The following GOLM1 variants were observed in gnomAD, a reference collection of about 807,000 sequenced individuals.
GOLM1 encodes the protein golgi membrane protein 1.
Under a neutral mutation model 50.5 loss-of-function variants are expected in GOLM1, and 31 were observed. The ratio of observed to expected loss-of-function variants is 0.61; its 90% confidence interval spans 0.46 to 0.83. The LOEUF (loss-of-function observed/expected upper bound fraction) is 0.83, where lower values mean the gene tolerates loss of function less well. Among genes scored for constraint, GOLM1 ranks in the 40% least tolerant of loss-of-function variants. GOLM1 has a pLI of 0.00. For missense variants in GOLM1, 491 were observed against 501.3 expected (o/e 0.98, Z 0.20); for synonymous variants, 178 against 192.8 (o/e 0.92, Z 0.64).
intron 6 of GOLM1, among the ~76,000 whole-genome samples, chr9:86,040,135 C>T (rs933696635): frequency 1.3e-5 from 2 of 151,990 alleles, no homozygotes; most frequent in Admixed American, 1.3e-4. Flanking sequence ...TTCTTTTGTG[C>T]CAATAAAAAT....
intron 6 of GOLM1, 82 bp downstream of exon 6, chr9:86,040,657 A>G (rs1039040591): frequency 1.5e-6 from 2 of 1,346,704 alleles, no homozygotes; most frequent in Middle Eastern, 1.9e-4. Context: ...ATCCAGAGAA[A>G]GCCAGGCGGC....
In GOLM1 at chr9:86,027,124, TAAAG is replaced by T. The variant is rs142225824; in HGVS notation, c.*689_*692del. 1.0e-6 allele frequency: 1 copy of T among 985,192 alleles called. No homozygotes were observed. Among genetic ancestry groups the T allele is most frequent in the African/African-American group, 1.7e-5 (1 of 57,238 alleles). The allele number at this position is 985,192 out of a possible 1,614,324, so 61.0% of individuals were successfully genotyped here. ...TTGCCCACACACGAAGCAAAGTAAA[TAAAG>T]ACCACAAATGTTCAAATTCTAAGCC... On this transcript the variant is annotated 3_prime_UTR_variant, in exon 10 of 10. Transcript: ENST00000388712.
chr9:86,027,313 T>C lies in GOLM1; in HGVS notation c.*504A>G, dbSNP rs1163973854. 7 of 986,216 alleles carry C rather than the reference T, an allele frequency of 7.1e-6. No homozygotes were observed. Among genetic ancestry groups the C allele is most frequent in the Admixed American group, 6.1e-5 (1 of 16,338 alleles). The allele number at this position is 986,216 out of a possible 1,614,324, so 61.1% of individuals were successfully genotyped here. ...GTCAGTGCTCTAGGCCATTGATTGA[T>C]TGATTGTCAGAATCAGAAGTGACTA... On this transcript the variant is annotated 3_prime_UTR_variant, in exon 10 of 10. Transcript: ENST00000388712.
intron 1 of GOLM1, among the ~76,000 whole-genome samples, chr9:86,097,073 T>C (rs1285224124): frequency 6.6e-6 from 1 of 151,738 alleles, no homozygotes; most frequent in Non-Finnish European, 1.5e-5. Context: ...TGGACTTTTT[T>C]TTTTTTTTTT....
At chr9:86,053,760 C>T in intron 3 of GOLM1, among the ~76,000 whole-genome samples, 1 of 11,920 alleles carries the variant, frequency 8.4e-5, no homozygotes, top group South Asian at 2.5e-3. Context: ...CTACTGCACA[C>T]ACCACACCAA....
intron 3 of GOLM1, among the ~76,000 whole-genome samples, chr9:86,053,365 CT>C (rs1833840648): frequency 1.3e-5 from 1 of 79,980 alleles, no homozygotes; most frequent in African/African-American, 4.6e-5. Flanking sequence ...CCACGTACCA[CT>C]CCACACCACA....
At chr9:86,037,062 TAAAC>T (rs1330648591) in intron 6 of GOLM1, among the ~76,000 whole-genome samples, 1 of 152,222 alleles carries the variant, frequency 6.6e-6, no homozygotes, top group East Asian at 1.9e-4. Context: ...ATTTGGAAAT[TAAAC>T]AACACACTCC....
chr9:86,099,191 C>G (rs1835450585), intron 1 of GOLM1, among the ~76,000 whole-genome samples: 1 of 151,258 alleles, frequency 6.6e-6, no homozygotes, highest in Non-Finnish European at 1.5e-5. Context: ...TCTTGGGGAG[C>G]GAGCCGAGGG....
intron 2 of GOLM1, chr9:86,077,818 C>T (rs371737035): frequency 2.0e-6 from 1 of 499,338 alleles, no homozygotes; most frequent in East Asian, 3.0e-5. Context: ...TGCACTCACA[C>T]CACACTTCCC....
At chr9:86,065,602 C>T (rs1416841868) in intron 3 of GOLM1, among the ~76,000 whole-genome samples, 1 of 152,158 alleles carries the variant, frequency 6.6e-6, no homozygotes, top group Non-Finnish European at 1.5e-5. Flanking sequence ...GTGTGACGAG[C>T]AGACCTGGCA....
intron 3 of GOLM1, among the ~76,000 whole-genome samples, chr9:86,070,582 A>G (rs78603003): frequency 6.6e-6 from 1 of 151,596 alleles, no homozygotes; most frequent in African/African-American, 2.4e-5. Context: ...AAAAAAAAAA[A>G]CAAAAAAAAC....
chr9:86,048,460 C>T (rs1247548124), intron 4 of GOLM1, among the ~76,000 whole-genome samples: 3 of 152,216 alleles, frequency 2.0e-5, no homozygotes, highest in Admixed American at 6.5e-5. Flanking sequence ...CTGTCTTCCA[C>T]AATGGTTGAA....
intron 7 of GOLM1, among the ~76,000 whole-genome samples, 169 bp downstream of exon 7, chr9:86,036,179 C>A (rs987617451): frequency 6.6e-6 from 1 of 152,170 alleles, no homozygotes; most frequent in South Asian, 2.1e-4. Flanking sequence ...GAGGAGACAT[C>A]TGTCAGAGAA....
At chr9:86,069,606 T>C (rs1834393173) in intron 3 of GOLM1, among the ~76,000 whole-genome samples, 1 of 152,230 alleles carries the variant, frequency 6.6e-6, no homozygotes, top group Non-Finnish European at 1.5e-5. Flanking sequence ...AGTGGACGGA[T>C]TCCTCCTGTG....
At position 86,090,846 on chromosome 9, in the gene GOLM1, G is replaced by A. The variant is rs567821105; in HGVS notation, c.-22+8565C>T. Reference sequence around the variant, plus strand: ...CAGCTAGCTCAGTGTCTGCCCAAATGGCCGCCCAGTTTTGTGCTTGAAACC... The same window carrying A: ...CAGCTAGCTCAGTGTCTGCCCAAATAGCCGCCCAGTTTTGTGCTTGAAACC... On this transcript the variant is annotated intron_variant, in intron 1 of 9. Coordinates refer to ENST00000388712, the MANE Select transcript of GOLM1 (RefSeq NM_016548.4). 1.7e-3 allele frequency among the ~76,000 whole-genome samples: 249 copies of A among 148,844 alleles called. 2 individuals carry two copies. Among genetic ancestry groups the A allele is most frequent in the South Asian group, 6.3e-3 (29 of 4,570 alleles).
At chr9:86,043,359 G>A (rs150020952) in intron 5 of GOLM1, among the ~76,000 whole-genome samples, 1 of 152,220 alleles carries the variant, frequency 6.6e-6, no homozygotes, top group African/African-American at 2.4e-5. Flanking sequence ...CAGGAAACCT[G>A]GCCTCTCCAT....
In GOLM1 at chr9:86,036,422, A is replaced by C; in HGVS notation, c.683T>G (p.Leu228Arg). Residue 228 changes from leucine (L) to arginine (R), a missense_variant, in exon 7 of 10, where the codon CTT becomes CGT. Leu to Arg is a moderately radical substitution (Grantham distance 102, BLOSUM62 -2). Coordinates refer to ENST00000388712, the MANE Select transcript of GOLM1 (RefSeq NM_016548.4). ...TEVPQGKGNV[L>R]GNSKSQTPAP... Reference sequence around the variant, plus strand: ...TGGTGTCTGGGACTTGCTGTTACCAAGCACGTTTCCCTTCCCTTGTGGCAC... The same window carrying C: ...TGGTGTCTGGGACTTGCTGTTACCACGCACGTTTCCCTTCCCTTGTGGCAC... 1 of 1,614,156 alleles carries C rather than the reference A, an allele frequency of 6.2e-7. No homozygotes were observed. Among genetic ancestry groups the C allele is most frequent in the Non-Finnish European group, 8.5e-7 (1 of 1,180,008 alleles).
chr9:86,088,555 T>C (rs539913679), intron 1 of GOLM1, among the ~76,000 whole-genome samples: 27 of 139,266 alleles, frequency 1.9e-4, no homozygotes, highest in African/African-American at 6.8e-4. Context: ...TTTCAGAGGA[T>C]TGCAACTCCT....
chr9:86,076,661 C>A (rs1052450516), intron 3 of GOLM1, among the ~76,000 whole-genome samples: 1 of 151,448 alleles, frequency 6.6e-6, no homozygotes, highest in African/African-American at 2.4e-5. Flanking sequence ...GTCAAGAGAT[C>A]GAAACCATCC....
Sources: gnomAD v4.1 joint callset for allele counts (sites outside exome capture counted in the v4.1 genomes callset) on GRCh38, gnomAD v4.1.1 for gene constraint, MANE v1.5 for transcripts, NCBI Gene and HGNC (gene_info 2026-07-23, HGNC 2026-07-21) for gene names.